The following MS4A5 variants were observed in gnomAD, a reference collection of about 807,000 sequenced individuals.
MS4A5 encodes membrane spanning 4-domains A5.
In MS4A5, 15 loss-of-function variants were observed where a neutral mutation model predicts 18.2. The observed-to-expected ratio is 0.83, with a 90% confidence interval of 0.55 to 1.27. The LOEUF is 1.27. Among genes scored for constraint, MS4A5 ranks in the 50% most tolerant of loss-of-function variants. MS4A5 has a pLI of 0.00. For synonymous variants in MS4A5, 89 were observed against 78.7 expected (o/e 1.13, Z -0.69); for missense variants, 232 against 225.7 (o/e 1.03, Z -0.18).
intron 1 of MS4A5, 41 bp downstream of exon 1, chr11:60,429,868 G>T: frequency 6.3e-7 from 1 of 1,579,634 alleles, no homozygotes; most frequent in South Asian, 1.1e-5. Context: ...ACTGAGGCAG[G>T]GGAAAGGCTA....
chr11:60,440,609 G>A (rs2086106177), intron 4 of MS4A5, among the ~76,000 whole-genome samples: 2 of 150,154 alleles, frequency 1.3e-5, no homozygotes, highest in Admixed American at 1.3e-4. Flanking sequence ...ATCAAAAAGT[G>A]GGTGAAGGAC....
chr11:60,435,108 T>C (rs2086071337), intron 4 of MS4A5, among the ~76,000 whole-genome samples: 1 of 152,186 alleles, frequency 6.6e-6, no homozygotes, highest in African/African-American at 2.4e-5. Flanking sequence ...AGGCATAAAC[T>C]GGATAAGGCA....
intron 4 of MS4A5, among the ~76,000 whole-genome samples, chr11:60,441,896 T>A (rs1469772246): frequency 6.6e-6 from 1 of 152,162 alleles, no homozygotes. Flanking sequence ...ATAGGGGACT[T>A]TCTATAATAA....
At chr11:60,447,371 A>ATGCTATGCTATGCT (rs1565190029) in intron 4 of MS4A5, among the ~76,000 whole-genome samples, 6 of 100,374 alleles carry the variant, frequency 6.0e-5, no homozygotes, top group African/African-American at 1.6e-4. Context: ...TATGCTATGC[A>ATGCTATGCTATGCT]ATGCAGTGCT....
rs1188838835 is a variant in MS4A5 at position 60,444,966 on chromosome 11, T to C, written c.493-2683T>C. Among the ~76,000 whole-genome samples the C allele has an allele frequency of 4.6e-5, 7 of 152,244 alleles. No individual in the cohort carries two copies. The East Asian group carries it at 1.2e-3, about 25-fold the overall frequency. On this transcript the variant is annotated intron_variant, in intron 4 of 4. Coordinates refer to ENST00000300190, the MANE Select transcript of MS4A5 (RefSeq NM_023945.3). ...TAGTTAAACTGATAAGGAACTCAAA[T>C]TTCTATCAACAACAAAATGGCTAAT... is the stretch of plus-strand genomic sequence containing the variant.
chr11:60,433,742 G>C (rs771068051), intron 3 of MS4A5, 23 bp from the exon 4 acceptor site: 1 of 1,611,412 alleles, frequency 6.2e-7, no homozygotes, highest in Admixed American at 1.7e-5. Flanking sequence ...CAGTCACATT[G>C]TTATGTTCTT....
chr11:60,433,911 G>A lies in MS4A5; in HGVS notation c.486G>A (p.Leu162=), dbSNP rs1390932154. The stretch of plus-strand genomic sequence containing the variant: ...GTCAGTGTAAGGCTGTTACTGTCCT[G>A]TTCTTGGTAAGTATGTTGCATTTAT... The part of the protein sequence containing the change: ...QNSQCKAVTV[L]FLGILITLMT... The change falls in exon 4 of 5, where the codon CTG becomes CTA. Residue 162 remains leucine (L), a synonymous_variant. Transcript: ENST00000300190. 3 of 1,613,702 alleles carry A rather than the reference G, an allele frequency of 1.9e-6. No homozygotes were observed. In the African/African-American group the frequency reaches 4.0e-5, roughly 22 times the overall value.
In MS4A5 at chr11:60,445,968, C is replaced by G. The variant is rs185334200; in HGVS notation, c.493-1681C>G. On this transcript the variant is annotated intron_variant, in intron 4 of 4. Transcript: ENST00000300190. The stretch of plus-strand genomic sequence containing the variant: ...AAGCAAGGATACAACATTTACCTAC[C>G]TGAATGATAAACAGACCTTTTAACC... Among the ~76,000 whole-genome samples, 177 of 152,296 alleles carry G rather than the reference C, an allele frequency of 1.2e-3. 1 individual carries two copies. Among genetic ancestry groups the G allele is most frequent in the African/African-American group, 4.1e-3 (169 of 41,564 alleles).
chr11:60,441,207 C>T (rs1366507262), intron 4 of MS4A5, among the ~76,000 whole-genome samples: 1 of 133,362 alleles, frequency 7.5e-6, no homozygotes, highest in Admixed American at 8.2e-5. Flanking sequence ...TATTCTCACT[C>T]ATAGGTGGGA....
At chr11:60,447,307 G>GTGCTACGCTATGCTA (rs2086145625) in intron 4 of MS4A5, among the ~76,000 whole-genome samples, 1 of 139,644 alleles carries the variant, frequency 7.2e-6, no homozygotes, top group Non-Finnish European at 1.5e-5. Flanking sequence ...ATCCTATGCT[G>GTGCTACGCTATGCTA]TGCTATGCTA....
intron 4 of MS4A5, among the ~76,000 whole-genome samples, chr11:60,437,626 G>C (rs2086088036): frequency 6.6e-6 from 1 of 150,816 alleles, no homozygotes; most frequent in African/African-American, 2.4e-5. Flanking sequence ...TGCAATCCTA[G>C]TCTCTGATAA....
At chr11:60,430,981 T>G in intron 2 of MS4A5, 57 bp downstream of exon 2, 1 of 1,563,738 alleles carries the variant, frequency 6.4e-7, no homozygotes, top group South Asian at 1.2e-5. Context: ...TGTTAGGGAA[T>G]TCTTCACAAT....
At chr11:60,433,941 T>C (rs2086065239) in intron 4 of MS4A5, 24 bp downstream of exon 4, 1 of 1,607,534 alleles carries the variant, frequency 6.2e-7, no homozygotes, top group Non-Finnish European at 8.5e-7. Context: ...ATTTATAGAG[T>C]GATGAGTAAA....
intron 4 of MS4A5, among the ~76,000 whole-genome samples, chr11:60,437,530 C>T (rs1167353057): frequency 6.6e-6 from 1 of 152,178 alleles, no homozygotes; most frequent in Non-Finnish European, 1.5e-5. Context: ...GGAAATGCAT[C>T]TCATGTGCAG....
intron 1 of MS4A5, among the ~76,000 whole-genome samples, chr11:60,430,272 A>C (rs908964848): frequency 5.8e-5 from 8 of 137,604 alleles, no homozygotes; most frequent in Non-Finnish European, 8.1e-5. Context: ...AAAAAAAAAA[A>C]CCCGAAGAGA....
intron 4 of MS4A5, among the ~76,000 whole-genome samples, chr11:60,441,208 A>G (rs2086109673): frequency 7.3e-6 from 1 of 137,080 alleles, no homozygotes; most frequent in South Asian, 2.5e-4. Context: ...ATTCTCACTC[A>G]TAGGTGGGAA....
At chr11:60,436,152 C>T (rs979801740) in intron 4 of MS4A5, among the ~76,000 whole-genome samples, 3 of 151,972 alleles carry the variant, frequency 2.0e-5, no homozygotes, top group South Asian at 4.2e-4. Context: ...GAGGCACCCC[C>T]CAGCAGGGGC....
intron 4 of MS4A5, among the ~76,000 whole-genome samples, chr11:60,438,727 G>T (rs2086094477): frequency 6.6e-6 from 1 of 151,242 alleles, no homozygotes; most frequent in Non-Finnish European, 1.5e-5. Context: ...AAACCAGGAA[G>T]AAGTTGAATC....
At chr11:60,439,524 C>A (rs1312092014) in intron 4 of MS4A5, among the ~76,000 whole-genome samples, 2 of 84,898 alleles carry the variant, frequency 2.4e-5, no homozygotes. Flanking sequence ...ATCTAGAAAA[C>A]CCCATTGTCT....
Sources: gnomAD v4.1 joint callset for allele counts (sites outside exome capture counted in the v4.1 genomes callset) on GRCh38, gnomAD v4.1.1 for gene constraint, MANE v1.5 for transcripts, NCBI Gene and HGNC (gene_info 2026-07-23, HGNC 2026-07-21) for gene names.